EXOC4: variants seen among roughly 807,000 people sequenced by gnomAD.
EXOC4 encodes the protein SEC8-like 1.
In EXOC4, 71 loss-of-function variants were observed where a neutral mutation model predicts 107.2. The observed-to-expected ratio is 0.66, with a 90% CI of 0.55 to 0.81. The LOEUF (loss-of-function observed/expected upper bound fraction) is 0.81, where lower values mean the gene tolerates loss of function less well. EXOC4 is among the 30% of genes least tolerant of loss of function. The pLI, the probability that EXOC4 is intolerant of heterozygous loss-of-function variation, is 0.00. For missense variants in EXOC4, 1,108 were observed against 1,189.6 expected, an observed-to-expected ratio of 0.93 and a Z score of 1.01; for synonymous variants, 456 against 441.2, an observed-to-expected ratio of 1.03 and a Z score of -0.42.
intron 10 of EXOC4, among the ~76,000 whole-genome samples, chr7:133,751,206 G>T (rs1311418005): frequency 6.6e-6 from 1 of 152,150 alleles, no homozygotes; most frequent in Non-Finnish European, 1.5e-5. Flanking sequence ...ACATTTATTA[G>T]CAATTCTCTG....
chr7:133,769,668 G>GA (rs1037219005), intron 10 of EXOC4, among the ~76,000 whole-genome samples: 1 of 151,640 alleles, frequency 6.6e-6, no homozygotes, highest in South Asian at 2.1e-4. Context: ...TCTAGTGAGG[G>GA]AAAAAAAGCT....
At chr7:133,625,317 CTT>C (rs1345846982) in intron 9 of EXOC4, among the ~76,000 whole-genome samples, 3 of 152,158 alleles carry the variant, frequency 2.0e-5, no homozygotes, top group Non-Finnish European at 4.4e-5. Flanking sequence ...CACCACAAGT[CTT>C]TGAAAAAGTT....
At position 133,992,877 on chromosome 7, in the gene EXOC4, C is replaced by T. The variant is rs57676244; in HGVS notation, c.2207-4615C>T. Among the ~76,000 whole-genome samples, 563 of 151,494 alleles carry T rather than the reference C, an allele frequency of 3.7e-3. 6 individuals carry two copies. The highest frequency in any genetic ancestry group is 0.013 in the African/African-American group (544 of 41,176). On this transcript the variant is annotated intron_variant, in intron 14 of 17. Transcript: ENST00000253861. ...AATTTTTCCCCATTCAGTATATTAGCTGTGGGCCTGTCATAGATGGCCTTT... is the reference window on the plus strand; with the variant it reads ...AATTTTTCCCCATTCAGTATATTAGTTGTGGGCCTGTCATAGATGGCCTTT...
At chr7:134,084,233 C>T in the EXOC4 span, among the ~76,000 whole-genome samples, 2 of 152,160 alleles carry the variant, frequency 1.3e-5, 1 homozygote, top group East Asian at 3.9e-4. Context: ...TGCTTCTAAG[C>T]CAGACTTGCA....
intron 5 of EXOC4, among the ~76,000 whole-genome samples, chr7:133,342,612 A>G (rs1407589773): frequency 6.6e-6 from 1 of 151,992 alleles, no homozygotes; most frequent in Non-Finnish European, 1.5e-5. Context: ...TCCCTCAAGT[A>G]AGTTTTCCAA....
chr7:133,439,476 C>G (rs1798057761), intron 7 of EXOC4, among the ~76,000 whole-genome samples: 1 of 152,092 alleles, frequency 6.6e-6, no homozygotes, highest in Non-Finnish European at 1.5e-5. Flanking sequence ...AGCCACCGCA[C>G]CCAGCCCATA....
At chr7:133,273,571 T>C (rs1277009683) in intron 1 of EXOC4, among the ~76,000 whole-genome samples, 20 of 152,204 alleles carry the variant, frequency 1.3e-4, no homozygotes, top group Admixed American at 7.2e-4. Flanking sequence ...TCTTTTGGCA[T>C]TCCTAACACC....
chr7:133,810,947 A>T (rs1472335411), intron 10 of EXOC4, among the ~76,000 whole-genome samples: 2 of 152,134 alleles, frequency 1.3e-5, no homozygotes, highest in Non-Finnish European at 2.9e-5. Context: ...CCATGCTTTA[A>T]ACATTTGAAA....
chr7:133,614,023 A>G (rs1802132117), intron 9 of EXOC4, among the ~76,000 whole-genome samples: 1 of 152,194 alleles, frequency 6.6e-6, no homozygotes, highest in Non-Finnish European at 1.5e-5. Context: ...TCAAGTTAAT[A>G]GGAGAAGCAG....
At chr7:133,277,573 C>A (rs1260776380) in intron 2 of EXOC4, among the ~76,000 whole-genome samples, 2 of 152,168 alleles carry the variant, frequency 1.3e-5, no homozygotes, top group African/African-American at 4.8e-5. Flanking sequence ...CGTTTCTTAC[C>A]ATCCTCATTT....
chr7:133,976,331 TAAG>T (rs1293829058), intron 14 of EXOC4, among the ~76,000 whole-genome samples: 1 of 152,218 alleles, frequency 6.6e-6, no homozygotes, highest in Non-Finnish European at 1.5e-5. Flanking sequence ...CAAGTTGTGA[TAAG>T]AAACAGCTGT....
At chr7:133,492,105 G>T (rs962690620) in intron 9 of EXOC4, among the ~76,000 whole-genome samples, 34 of 152,162 alleles carry the variant, frequency 2.2e-4, no homozygotes, top group Admixed American at 6.5e-4. Context: ...AATGAAATGT[G>T]CATTTTAGAA....
At chr7:133,559,847 G>GA (rs1202442020) in intron 9 of EXOC4, among the ~76,000 whole-genome samples, 1 of 152,084 alleles carries the variant, frequency 6.6e-6, no homozygotes, top group African/African-American at 2.4e-5. Flanking sequence ...GTTACCAGTT[G>GA]AAAAATCTCA....
intron 9 of EXOC4, among the ~76,000 whole-genome samples, chr7:133,497,768 T>A (rs565803537): frequency 1.6e-4 from 25 of 152,200 alleles, no homozygotes; most frequent in Non-Finnish European, 3.2e-4. Context: ...AATCGAACCC[T>A]GGTCTCCCGC....
At chr7:133,959,194 A>G (rs1048783120) in intron 14 of EXOC4, among the ~76,000 whole-genome samples, 1 of 152,216 alleles carries the variant, frequency 6.6e-6, no homozygotes, top group African/African-American at 2.4e-5. Context: ...AGGAAACCTT[A>G]TAATAGGAAA....
At chr7:134,038,277 A>G (rs67542052) in intron 17 of EXOC4, among the ~76,000 whole-genome samples, 27,543 of 152,232 alleles carry the variant, frequency 0.18, 3,041 homozygotes, top group East Asian at 0.43. Flanking sequence ...CATGCAGCCC[A>G]ACTTCTCCTG....
rs144399180 is a variant in EXOC4, at chr7:133,334,024, G to A, written c.763+16634G>A. Among the ~76,000 whole-genome samples the A allele has an allele frequency of 3.4e-4, 51 of 152,144 alleles. 3 individuals carry two copies. The highest frequency in any genetic ancestry group is 1.2e-3 in the African/African-American group (48 of 41,510). ...CCAGTTACTTAGGTTAGTTCTTTTC[G>A]ACCCCAACCCACTCACTTATGGTTA... On this transcript the variant is annotated intron_variant, in intron 5 of 17. Coordinates refer to ENST00000253861, the MANE Select transcript of EXOC4 (RefSeq NM_021807.4).
intron 11 of EXOC4, among the ~76,000 whole-genome samples, chr7:133,842,502 T>C (rs188450636): frequency 1.3e-5 from 2 of 152,348 alleles, no homozygotes; most frequent in Non-Finnish European, 2.9e-5. Context: ...GGGTTGATTA[T>C]TGCTTGTAAA....
At chr7:133,719,726 A>G (rs1585100896) in intron 10 of EXOC4, among the ~76,000 whole-genome samples, 2 of 152,132 alleles carry the variant, frequency 1.3e-5, no homozygotes, top group African/African-American at 4.8e-5. Flanking sequence ...AGTTTTGGTG[A>G]TTTCTCATTA....
Sources: gnomAD v4.1 joint callset for allele counts (sites outside exome capture counted in the v4.1 genomes callset) on GRCh38, gnomAD v4.1.1 for gene constraint, MANE v1.5 for transcripts, NCBI Gene and HGNC (gene_info 2026-07-23, HGNC 2026-07-21) for gene names.